L3MBTL3: variants seen among roughly 807,000 people sequenced by gnomAD.
L3MBTL3 encodes L3MBTL histone methyl-lysine binding protein 3.
Under a neutral mutation model 102.3 loss-of-function variants are expected in L3MBTL3, and 27 were observed. That is an observed-to-expected ratio of 0.26 (90% CI 0.19 to 0.36). L3MBTL3 has a LOEUF of 0.36. L3MBTL3 is among the 10% of genes least tolerant of loss of function. L3MBTL3 has a pLI of 1.00. For missense variants in L3MBTL3, 798 were observed against 955.3 expected, an observed-to-expected ratio of 0.84 and a Z score of 2.17; for synonymous variants, 340 against 320.9, an observed-to-expected ratio of 1.06 and a Z score of -0.64.
chr6:130,125,300 T>C (rs1786520243), intron 20 of L3MBTL3, among the ~76,000 whole-genome samples: 1 of 152,238 alleles, frequency 6.6e-6, no homozygotes, highest in Non-Finnish European at 1.5e-5. Context: ...ACATGAATTT[T>C]AACAGCAGTG....
At chr6:130,052,511 C>CTTCTT (rs1467477719) in intron 6 of L3MBTL3, among the ~76,000 whole-genome samples, 1 of 152,194 alleles carries the variant, frequency 6.6e-6, no homozygotes, top group Non-Finnish European at 1.5e-5. Flanking sequence ...TTCTTTGACC[C>CTTCTT]TGAAAACAAA....
intron 12 of L3MBTL3, among the ~76,000 whole-genome samples, chr6:130,069,493 C>T (rs1447407929): frequency 2.6e-5 from 4 of 152,092 alleles, no homozygotes; most frequent in Non-Finnish European, 1.5e-5. Context: ...TGTGTGCATG[C>T]GTATGTGTGT....
At chr6:130,082,815 A>G (rs575793257) in intron 14 of L3MBTL3, among the ~76,000 whole-genome samples, 5 of 152,334 alleles carry the variant, frequency 3.3e-5, no homozygotes, top group Admixed American at 1.3e-4. Context: ...GCAAAAATGT[A>G]TATGTCTATT....
At chr6:130,059,009 C>T (rs1197211148) in intron 9 of L3MBTL3, among the ~76,000 whole-genome samples, 1 of 152,022 alleles carries the variant, frequency 6.6e-6, no homozygotes, top group Non-Finnish European at 1.5e-5. Context: ...GTAGTAATTA[C>T]ATATAAACTT....
chr6:130,031,221 C>G (rs1779702413), intron 2 of L3MBTL3, among the ~76,000 whole-genome samples: 1 of 152,192 alleles, frequency 6.6e-6, no homozygotes, highest in South Asian at 2.1e-4. Context: ...GTATTAGACA[C>G]TATACCAACA....
At chr6:130,132,768 GTT>G (rs111843622) in intron 20 of L3MBTL3, among the ~76,000 whole-genome samples, 1 of 147,852 alleles carries the variant, frequency 6.8e-6, no homozygotes, top group Non-Finnish European at 1.5e-5. Context: ...ATTCAGTAGG[GTT>G]TTTTTTTTTC....
intron 5 of L3MBTL3, among the ~76,000 whole-genome samples, chr6:130,050,227 C>T (rs973878180): frequency 1.3e-5 from 2 of 152,218 alleles, no homozygotes; most frequent in Admixed American, 6.5e-5. Context: ...TCACTGATTT[C>T]TCATTGCCTT....
chr6:130,039,063 C>T (rs557226763), intron 2 of L3MBTL3, among the ~76,000 whole-genome samples: 1 of 152,076 alleles, frequency 6.6e-6, no homozygotes, highest in East Asian at 1.9e-4. Context: ...GGAGACTGCA[C>T]TTTTAAAAAT....
At chr6:130,034,789 G>A (rs1271883556) in intron 2 of L3MBTL3, among the ~76,000 whole-genome samples, 1 of 152,216 alleles carries the variant, frequency 6.6e-6, no homozygotes, top group East Asian at 1.9e-4. Flanking sequence ...TATGGCATGT[G>A]TGATTCAGAA....
chr6:130,100,715 T>C (rs1784634070), intron 18 of L3MBTL3, among the ~76,000 whole-genome samples: 1 of 152,200 alleles, frequency 6.6e-6, no homozygotes, highest in Non-Finnish European at 1.5e-5. Flanking sequence ...TCTCTTGAGC[T>C]ATCCAAGTTT....
chr6:130,044,872 T>C (rs1466116248), intron 3 of L3MBTL3, among the ~76,000 whole-genome samples: 1 of 152,188 alleles, frequency 6.6e-6, no homozygotes, highest in African/African-American at 2.4e-5. Flanking sequence ...GAAAGAACTT[T>C]GAATGAATCA....
At chr6:130,024,564 A>G (rs1779215216) in intron 2 of L3MBTL3, among the ~76,000 whole-genome samples, 1 of 152,190 alleles carries the variant, frequency 6.6e-6, no homozygotes, top group African/African-American at 2.4e-5. Context: ...TAAGAATTCC[A>G]TATTTCAGCC....
chr6:130,072,380 G>C (rs959232323), intron 13 of L3MBTL3, among the ~76,000 whole-genome samples: 2 of 152,156 alleles, frequency 1.3e-5, no homozygotes, highest in African/African-American at 2.4e-5. Flanking sequence ...AAAGGGACTT[G>C]AGCATCCTTA....
chr6:130,081,505 G>A lies in L3MBTL3; in HGVS notation c.1322-2115G>A, dbSNP rs189562995. Reference sequence around the variant, plus strand: ...ACAATCTTGGCTCACTGTAAATTCCGCCTCCTGAGTTCAAGTGATTCTCCT... The same window carrying A: ...ACAATCTTGGCTCACTGTAAATTCCACCTCCTGAGTTCAAGTGATTCTCCT... On this transcript the variant is annotated intron_variant, in intron 14 of 22. Transcript: ENST00000361794. Among the ~76,000 whole-genome samples the A allele has an allele frequency of 2.9e-4, 44 of 150,366 alleles. No individual in the cohort carries two copies. In the East Asian group the frequency reaches 7.4e-3, roughly 25 times the overall value.
In L3MBTL3 at chr6:130,066,177, T is replaced by G. The variant is rs560836635; in HGVS notation, c.865-176T>G. Reference sequence around the variant, plus strand: ...GCTCAGCTCTTCCCACTTTAATAGCTTTTGTCTTTAGATTCTGGTTATTTG... The same window carrying G: ...GCTCAGCTCTTCCCACTTTAATAGCGTTTGTCTTTAGATTCTGGTTATTTG... On this transcript the variant is annotated intron_variant, in intron 10 of 22. Coordinates refer to ENST00000361794, the MANE Select transcript of L3MBTL3 (RefSeq NM_032438.4). Among the ~76,000 whole-genome samples the G allele has an allele frequency of 1.1e-3, 171 of 152,164 alleles. 1 individual carries two copies. The highest frequency in any genetic ancestry group is 1.5e-3 in the Non-Finnish European group (104 of 68,000).
chr6:130,059,965 T>C lies in L3MBTL3; in HGVS notation c.760-71T>C, dbSNP rs1212307378. On this transcript the variant is annotated intron_variant, in intron 9 of 22. Transcript: ENST00000361794. The stretch of plus-strand genomic sequence containing the variant: ...GGTTAAATAGTCTTTATTTTTAAAA[T>C]GGTAACTATTTACATCTTTAAATAG... 4.0e-6 allele frequency: 3 copies of C among 752,254 alleles called. No individual in the cohort carries two copies. The East Asian group carries it at 8.4e-5, about 21-fold the overall frequency. The allele number at this position is 752,254 out of a possible 1,614,324, so 46.6% of individuals were successfully genotyped here. A position where few individuals can be genotyped will look rare whatever the true frequency, so the allele number is the denominator to read the frequency against.
At chr6:130,073,606 G>A (rs1355803878) in intron 13 of L3MBTL3, among the ~76,000 whole-genome samples, 1 of 152,094 alleles carries the variant, frequency 6.6e-6, no homozygotes, top group Non-Finnish European at 1.5e-5. Context: ...GGTATAAGTT[G>A]CTGATTTGAC....
intron 14 of L3MBTL3, among the ~76,000 whole-genome samples, chr6:130,081,633 G>A (rs182590997): frequency 2.0e-5 from 3 of 149,978 alleles, no homozygotes; most frequent in East Asian, 1.9e-4. Flanking sequence ...CACCATGTTA[G>A]CCAGGATGGT....
chr6:130,128,945 G>A (rs537805764), intron 20 of L3MBTL3, among the ~76,000 whole-genome samples: 2 of 152,304 alleles, frequency 1.3e-5, no homozygotes, highest in South Asian at 4.1e-4. Context: ...CACAGGTGCA[G>A]GGTCGGTAGA....
Sources: allele counts gnomAD v4.1 joint callset (sites outside exome capture counted in the v4.1 genomes callset), GRCh38; gene constraint gnomAD v4.1.1; transcripts MANE v1.5; gene names NCBI Gene and HGNC (gene_info 2026-07-23, HGNC 2026-07-21).